NME5: variants seen among roughly 807,000 people sequenced by gnomAD.
NME5 encodes the protein nucleoside diphosphate kinase 5.
NME5 carries 18 observed loss-of-function variants against 21.6 expected under a neutral mutation model. The ratio of observed to expected loss-of-function variants is 0.83; its 90% CI spans 0.58 to 1.24. The LOEUF is 1.24. Among genes scored for constraint, NME5 ranks in the 50% most tolerant of loss-of-function variants. The pLI is 0.00. For synonymous variants in NME5, 70 were observed against 80.6 expected (o/e 0.87, Z 0.71); for missense variants, 223 against 255.4 (o/e 0.87, Z 0.86).
At chr5:138,128,813 C>T (rs528993028) in intron 3 of NME5, among the ~76,000 whole-genome samples, 5 of 152,228 alleles carry the variant, frequency 3.3e-5, no homozygotes, top group African/African-American at 1.2e-4. Context: ...TGGATAAAAA[C>T]GTGGTGTTGT....
At chr5:138,134,458 G>A (rs770008234) in intron 2 of NME5, among the ~76,000 whole-genome samples, 16 of 151,784 alleles carry the variant, frequency 1.1e-4, no homozygotes, top group Non-Finnish European at 7.4e-5. Context: ...TGGCCAGGCT[G>A]GTCTCGAACT....
In NME5 at chr5:138,118,729, G is replaced by A. The variant is rs181675726; in HGVS notation, c.555+89C>T. 7.5e-4 allele frequency: 585 copies of A among 783,094 alleles called. 2 individuals are homozygous for A. The highest frequency in any genetic ancestry group is 7.2e-3 in the African/African-American group (415 of 57,668). 48.5% of individuals were successfully genotyped at this position (783,094 alleles called of 1,614,324 possible). On this transcript the variant is annotated intron_variant, in intron 5 of 5. Transcript: ENST00000265191. Reference sequence around the variant, plus strand: ...CAAACTCCTGACCTCGGATCCGCCCGCCTTGGCCTCCCAAAGTGCTGGGAT... The same window carrying A: ...CAAACTCCTGACCTCGGATCCGCCCACCTTGGCCTCCCAAAGTGCTGGGAT...
chr5:138,129,763 G>A (rs1204920416), intron 2 of NME5, among the ~76,000 whole-genome samples: 1 of 152,158 alleles, frequency 6.6e-6, no homozygotes, highest in Non-Finnish European at 1.5e-5. Context: ...TTCGAGACCA[G>A]CCTAGGCAAC....
rs70979583 is a variant in NME5 at position 138,123,985 on chromosome 5, CTTTTTTTTT to C, written c.436+4485_436+4493del. Among the ~76,000 whole-genome samples, 10 of 37,252 alleles carry C rather than the reference CTTTTTTTTT, an allele frequency of 2.7e-4. No homozygotes were observed. The South Asian group carries it at 5.2e-3, about 19-fold the overall frequency. The allele number at this position is 37,252 out of a possible 152,430, so 24.4% of individuals were successfully genotyped here. A position where few individuals can be genotyped will look rare whatever the true frequency, so the allele number is the denominator to read the frequency against. On this transcript the variant is annotated intron_variant, in intron 4 of 5. Transcript: ENST00000265191. ...CCCTGATGATTAGTGATTTTGAGCA[CTTTTTTTTT>C]TTTTTTTTTTTTTTTTTTTGAGATG...
intron 4 of NME5, among the ~76,000 whole-genome samples, chr5:138,128,237 GATAA>G (rs1751478703): frequency 6.6e-6 from 1 of 152,032 alleles, no homozygotes; most frequent in African/African-American, 2.4e-5. Flanking sequence ...GTTAAAAATA[GATAA>G]ATAAATAAAA....
At chr5:138,129,554 A>G in intron 2 of NME5, 86 bp from the exon 3 acceptor site, 1 of 854,044 alleles carries the variant, frequency 1.2e-6, no homozygotes, top group Non-Finnish European at 1.9e-6. Flanking sequence ...TGAAACTAGT[A>G]CCAATCTGAT....
chr5:138,123,029 T>G (rs1350466098), intron 4 of NME5: 1 of 152,108 alleles, frequency 6.6e-6, no homozygotes, highest in East Asian at 1.9e-4. Flanking sequence ...CTTTTTATTT[T>G]AAAAGCATGT....
intron 2 of NME5, among the ~76,000 whole-genome samples, chr5:138,130,258 T>A (rs1434947291): frequency 1.3e-5 from 2 of 151,858 alleles, no homozygotes; most frequent in Admixed American, 6.6e-5. Flanking sequence ...TTTGTTTCTA[T>A]GAAAAATTTT....
At chr5:138,134,169 G>A (rs751128296) in intron 2 of NME5, among the ~76,000 whole-genome samples, 6 of 151,652 alleles carry the variant, frequency 4.0e-5, no homozygotes, top group South Asian at 2.1e-4. Context: ...TCCGCCTCCC[G>A]GGTTCAAGTG....
Position 138,138,754 on chromosome 5 carries a change from C to G in NME5, c.27G>C (p.Gln9His). MEISMPPPQIYVEKTLAII... is the reference protein window; with the variant it reads MEISMPPPHIYVEKTLAII... ...TGGCCAGAGTTTTTTCTACATATAT[C>G]TGAGGTGGAGGCATTGATATCTCCA... Residue 9 changes from glutamine to histidine, a missense_variant, in exon 2 of 6, where the codon CAG becomes CAC. Gln to His is a conservative substitution (Grantham distance 24). Transcript: ENST00000265191. 1 of 1,612,480 alleles carries G rather than the reference C, an allele frequency of 6.2e-7. No homozygotes were observed. Among genetic ancestry groups the G allele is most frequent in the Non-Finnish European group, 8.5e-7 (1 of 1,179,604 alleles).
chr5:138,117,037 A>C (rs574484868), intron 5 of NME5, among the ~76,000 whole-genome samples: 3 of 151,960 alleles, frequency 2.0e-5, no homozygotes, highest in Admixed American at 1.3e-4. Flanking sequence ...GGGAGACCCC[A>C]TCTCTACAAA....
chr5:138,122,191 C>A (rs1751298589), intron 4 of NME5, among the ~76,000 whole-genome samples: 1 of 151,950 alleles, frequency 6.6e-6, no homozygotes, highest in Non-Finnish European at 1.5e-5. Flanking sequence ...GTAATCCCAG[C>A]ACTTTGGGAG....
intron 5 of NME5, 55 bp from the exon 6 acceptor site, chr5:138,115,819 A>C (rs1372309169): frequency 8.6e-7 from 1 of 1,167,026 alleles, no homozygotes; most frequent in Non-Finnish European, 1.2e-6. Flanking sequence ...ATTTCCTTTC[A>C]ATATATACTA....
intron 4 of NME5, among the ~76,000 whole-genome samples, chr5:138,120,287 GCA>G (rs1751258155): frequency 7.0e-6 from 1 of 142,504 alleles, no homozygotes; most frequent in African/African-American, 2.6e-5. Context: ...AGGCTGGAGT[GCA>G]GTGCCGCGAT....
intron 2 of NME5, among the ~76,000 whole-genome samples, chr5:138,130,883 A>G (rs1751547027): frequency 6.7e-6 from 1 of 148,918 alleles, no homozygotes; most frequent in Non-Finnish European, 1.5e-5. Flanking sequence ...CCAAGATTGC[A>G]CCTCTCCACT....
chr5:138,120,963 T>G (rs1164045486), intron 4 of NME5, among the ~76,000 whole-genome samples: 1 of 152,152 alleles, frequency 6.6e-6, no homozygotes, highest in African/African-American at 2.4e-5. Flanking sequence ...ACACTTACAT[T>G]AGCCTACAGT....
intron 4 of NME5, among the ~76,000 whole-genome samples, chr5:138,120,647 G>A (rs1196718601): frequency 6.6e-6 from 1 of 152,148 alleles, no homozygotes; most frequent in Non-Finnish European, 1.5e-5. Context: ...GTCATTTTAA[G>A]AAGTCTTTGT....
At chr5:138,121,695 C>T (rs1319422039) in intron 4 of NME5, among the ~76,000 whole-genome samples, 6 of 152,150 alleles carry the variant, frequency 3.9e-5, no homozygotes, top group Admixed American at 3.9e-4. Context: ...ATAATTGTGG[C>T]TTTGCAGTAA....
chr5:138,116,430 C>T (rs947012392), intron 5 of NME5: 20 of 152,252 alleles, frequency 1.3e-4, no homozygotes, highest in Middle Eastern at 3.4e-3. Flanking sequence ...GGAGCCAAAA[C>T]AATCATGAAA....
Sources: allele counts gnomAD v4.1 joint callset (sites outside exome capture counted in the v4.1 genomes callset), GRCh38; gene constraint gnomAD v4.1.1; transcripts MANE v1.5; gene names NCBI Gene and HGNC (gene_info 2026-07-23, HGNC 2026-07-21).